VEGFC: variants seen among roughly 807,000 people sequenced by gnomAD.
VEGFC encodes the protein vascular endothelial growth factor C.
A neutral mutation model predicts 46.1 loss-of-function variants in VEGFC; 12 were observed. That is an observed-to-expected ratio of 0.26 (90% CI 0.17 to 0.42). VEGFC has a LOEUF of 0.42. VEGFC is among the 10% of genes least tolerant of loss of function. The probability of loss-of-function intolerance (pLI) is 1.00; values close to 1 mark genes in which losing one functional copy is unlikely to be tolerated. For missense variants in VEGFC, 488 were observed against 529.4 expected (o/e 0.92, Z 0.77); for synonymous variants, 232 against 195.5 (o/e 1.19, Z -1.56).
intron 1 of VEGFC, among the ~76,000 whole-genome samples, chr4:176,736,118 G>C (rs1358472657): frequency 6.6e-6 from 1 of 151,766 alleles, no homozygotes; most frequent in Non-Finnish European, 1.5e-5. Context: ...TCTCAATTAG[G>C]AGAAAAATCT....
intron 1 of VEGFC, among the ~76,000 whole-genome samples, chr4:176,751,846 T>C (rs1163497875): frequency 6.6e-6 from 1 of 151,822 alleles, no homozygotes; most frequent in Non-Finnish European, 1.5e-5. Flanking sequence ...TACCTGTAAG[T>C]TTTTTTCTCA....
Position 176,711,416 on chromosome 4 carries a change from G to C in VEGFC, c.704+83C>G, listed in dbSNP as rs1734617124. On this transcript the variant is annotated intron_variant, in intron 4 of 6. Transcript: ENST00000618562. ...GTATATTACAGTAAATTTCACAGAG[G>C]TTATTTGTTTAACTTATGTTTACTT... The C allele has an allele frequency of 4.9e-6, 7 of 1,438,146 alleles. No individual in the cohort carries two copies. The South Asian group carries it at 1.1e-4, about 22-fold the overall frequency. 89.1% of individuals were successfully genotyped at this position (1,438,146 alleles called of 1,614,324 possible). A position where few individuals can be genotyped will look rare whatever the true frequency, so the allele number is the denominator to read the frequency against.
intron 1 of VEGFC, among the ~76,000 whole-genome samples, chr4:176,740,156 ATATATAGAATATATATAAC>A: frequency 7.8e-6 from 1 of 128,556 alleles, no homozygotes; most frequent in African/African-American, 3.0e-5. Flanking sequence ...TAGAAGTTAT[ATATATAGAATATATATAAC>A]TATATATAAC....
intron 4 of VEGFC, among the ~76,000 whole-genome samples, chr4:176,702,391 A>G (rs1325261725): frequency 6.6e-6 from 1 of 152,086 alleles, no homozygotes; most frequent in Non-Finnish European, 1.5e-5. Flanking sequence ...CTGTCTTCCA[A>G]ATTGAAATAA....
At chr4:176,697,968 C>A (rs1734353042) in intron 4 of VEGFC, among the ~76,000 whole-genome samples, 1 of 151,302 alleles carries the variant, frequency 6.6e-6, no homozygotes, top group Non-Finnish European at 1.5e-5. Context: ...GGGAACATCA[C>A]ACTCTGGGGA....
chr4:176,720,816 C>T (rs1375639573), intron 3 of VEGFC, among the ~76,000 whole-genome samples: 1 of 147,142 alleles, frequency 6.8e-6, no homozygotes, highest in African/African-American at 2.5e-5. Context: ...ACTCCCCCAC[C>T]TGGGCAACAA....
At chr4:176,759,305 G>A (rs1380280009) in intron 1 of VEGFC, among the ~76,000 whole-genome samples, 2 of 151,668 alleles carry the variant, frequency 1.3e-5, no homozygotes, top group African/African-American at 2.4e-5. Flanking sequence ...AAGGAAATCC[G>A]GCCATTTGCA....
In VEGFC at chr4:176,778,187, A is replaced by G. The variant is rs989636332; in HGVS notation, c.147+13978T>C. Among the ~76,000 whole-genome samples, 3 of 152,276 alleles carry G rather than the reference A, an allele frequency of 2.0e-5. No individual in the cohort carries two copies. In the East Asian group the frequency reaches 5.8e-4, roughly 29 times the overall value. On this transcript the variant is annotated intron_variant, in intron 1 of 6. Coordinates refer to ENST00000618562, the MANE Select transcript of VEGFC (RefSeq NM_005429.5). ...CAGAGTAAAGCATAAATAGGAAAAA[A>G]CAACTACAAAACAGAGGACAATACG... is the stretch of plus-strand genomic sequence containing the variant.
Position 176,685,662 on chromosome 4 carries a change from G to A in VEGFC, c.1145+1525C>T, listed in dbSNP as rs377194765. ...TCAATATAAAACATAGTTTAATAAG[G>A]CTTAAAAAGATTTAGTATCTATATC... On this transcript the variant is annotated intron_variant, in intron 6 of 6. Coordinates refer to ENST00000618562, the MANE Select transcript of VEGFC (RefSeq NM_005429.5). Among the ~76,000 whole-genome samples the A allele has an allele frequency of 3.9e-5, 6 of 151,938 alleles. No homozygotes were observed. The East Asian group carries it at 7.7e-4, about 20-fold the overall frequency.
chr4:176,767,330 C>T (rs936055754), intron 1 of VEGFC, among the ~76,000 whole-genome samples: 1 of 152,096 alleles, frequency 6.6e-6, no homozygotes, highest in Admixed American at 6.5e-5. Context: ...ACTAACAATG[C>T]CAAGTATTTG....
chr4:176,683,638 C>A lies in VEGFC; in HGVS notation c.*288G>T. 4.4e-6 allele frequency: 1 copy of A among 227,562 alleles called. No individual in the cohort carries two copies. The highest frequency in any genetic ancestry group is 1.6e-4 in the South Asian group (1 of 6,312). The allele number at this position is 227,562 out of a possible 1,614,324, so 14.1% of individuals were successfully genotyped here. ...ATTGTTGTTGCTATAAAAATGAATG[C>A]AGAAACAATATTTTTAGTGGAAATA... On this transcript the variant is annotated 3_prime_UTR_variant, in exon 7 of 7. Coordinates refer to ENST00000618562, the MANE Select transcript of VEGFC (RefSeq NM_005429.5).
intron 1 of VEGFC, among the ~76,000 whole-genome samples, chr4:176,742,842 A>T (rs993608251): frequency 6.6e-6 from 1 of 152,060 alleles, no homozygotes; most frequent in African/African-American, 2.4e-5. Flanking sequence ...TGATGTGAAA[A>T]GCCAAACATT....
chr4:176,718,607 T>A (rs977576956), intron 3 of VEGFC, among the ~76,000 whole-genome samples: 1 of 152,132 alleles, frequency 6.6e-6, no homozygotes, highest in African/African-American at 2.4e-5. Flanking sequence ...CTTCTATGTA[T>A]CAGAATTAGC....
chr4:176,685,588 A>G (rs539425357), intron 6 of VEGFC, among the ~76,000 whole-genome samples: 2 of 152,202 alleles, frequency 1.3e-5, no homozygotes, highest in East Asian at 1.9e-4. Context: ...GTATGCAGAC[A>G]TAAGAATTTC....
intron 1 of VEGFC, among the ~76,000 whole-genome samples, chr4:176,782,332 C>T (rs574447537): frequency 2.9e-4 from 44 of 152,134 alleles, no homozygotes; most frequent in Non-Finnish European, 5.7e-4. Context: ...GGTGGGGTGG[C>T]ACGTGCCTGT....
intron 1 of VEGFC, among the ~76,000 whole-genome samples, chr4:176,788,263 C>T (rs1353522340): frequency 6.6e-6 from 1 of 152,170 alleles, no homozygotes; most frequent in African/African-American, 2.4e-5. Flanking sequence ...TTTAGTCAAA[C>T]GAACACCATG....
chr4:176,743,505 T>TATATGTA (rs1227455805), intron 1 of VEGFC, among the ~76,000 whole-genome samples: 1 of 151,432 alleles, frequency 6.6e-6, no homozygotes, highest in Non-Finnish European at 1.5e-5. Context: ...ATAAATAATG[T>TATATGTA]ATAATATATG....
At chr4:176,684,108 T>C in intron 6 of VEGFC, 68 bp from the exon 7 acceptor site, 1 of 1,126,812 alleles carries the variant, frequency 8.9e-7, no homozygotes, top group Non-Finnish European at 1.3e-6. Flanking sequence ...GCTACCAAGG[T>C]ATTTCTGTGT....
chr4:176,778,459 C>T (rs773816259), intron 1 of VEGFC, among the ~76,000 whole-genome samples: 1 of 152,030 alleles, frequency 6.6e-6, no homozygotes, highest in Non-Finnish European at 1.5e-5. Context: ...CAAGTTGTTC[C>T]TTAGGATGCC....
Sources: allele counts gnomAD v4.1 joint callset (sites outside exome capture counted in the v4.1 genomes callset), GRCh38; gene constraint gnomAD v4.1.1; transcripts MANE v1.5; gene names NCBI Gene and HGNC (gene_info 2026-07-23, HGNC 2026-07-21).